The following WDPCP variants were observed in gnomAD, a reference collection of about 807,000 sequenced individuals.
WDPCP encodes the protein WD repeat-containing and planar cell polarity effector protein fritz homolog.
In WDPCP, 71 loss-of-function variants were observed where a neutral mutation model predicts 93.1. The observed-to-expected ratio is 0.76, with a 90% CI of 0.63 to 0.93. The LOEUF (loss-of-function observed/expected upper bound fraction) is 0.93, where lower values mean the gene tolerates loss of function less well. Ranked by LOEUF, WDPCP falls within the 40% of genes least tolerant of loss-of-function variation. WDPCP has a pLI of 0.00. For missense variants in WDPCP, 844 were observed against 887.4 expected (o/e 0.95, Z 0.62); for synonymous variants, 315 against 315.0 (o/e 1.00, Z 0.00).
chr2:63,805,971 T>C (rs1033282952), intron 2 of WDPCP, among the ~76,000 whole-genome samples: 8 of 151,924 alleles, frequency 5.3e-5, no homozygotes, highest in African/African-American at 1.9e-4. Flanking sequence ...ATTACAAAAA[T>C]TAGCCAGGCG....
intron 3 of WDPCP, among the ~76,000 whole-genome samples, chr2:63,641,172 G>C (rs1709976572): frequency 6.6e-6 from 1 of 152,068 alleles, no homozygotes; most frequent in African/African-American, 2.4e-5. Flanking sequence ...TAGCTAAATA[G>C]TACTCCATTG....
intron 13 of WDPCP, among the ~76,000 whole-genome samples, chr2:63,296,252 T>C (rs1575082850): frequency 6.8e-6 from 1 of 148,054 alleles, no homozygotes; most frequent in African/African-American, 2.5e-5. Context: ...CATCCCTTCA[T>C]GATAAAAACC....
At chr2:63,131,227 C>T (rs1162919282) in intron 17 of WDPCP, among the ~76,000 whole-genome samples, 12 of 152,054 alleles carry the variant, frequency 7.9e-5, no homozygotes, top group Admixed American at 7.9e-4. Context: ...GGTTTGTCAC[C>T]TGTTTTCTGT....
At chr2:63,267,153 A>C (rs1419285863) in intron 13 of WDPCP, among the ~76,000 whole-genome samples, 2 of 152,216 alleles carry the variant, frequency 1.3e-5, no homozygotes, top group Non-Finnish European at 2.9e-5. Context: ...GGTACAAGAT[A>C]GAAAGCCCAG....
intron 6 of WDPCP, among the ~76,000 whole-genome samples, chr2:63,454,345 C>T (rs1698481702): frequency 6.6e-6 from 1 of 151,104 alleles, no homozygotes; most frequent in Non-Finnish European, 1.5e-5. Flanking sequence ...CCACACTGAG[C>T]CCTGTTTGGG....
chr2:63,779,775 G>A (rs1168467320), intron 2 of WDPCP, among the ~76,000 whole-genome samples: 2 of 152,192 alleles, frequency 1.3e-5, no homozygotes, highest in African/African-American at 2.4e-5. Flanking sequence ...TTTCTCAGAT[G>A]GGCTGAAAAT....
At chr2:63,645,428 G>A (rs1388957618) in intron 3 of WDPCP, among the ~76,000 whole-genome samples, 3 of 152,056 alleles carry the variant, frequency 2.0e-5, no homozygotes, top group Non-Finnish European at 4.4e-5. Flanking sequence ...CTAACATATG[G>A]TTTACCCTTG....
chr2:63,584,216 C>T (rs984119744), intron 1 of WDPCP, among the ~76,000 whole-genome samples: 1 of 151,938 alleles, frequency 6.6e-6, no homozygotes. Flanking sequence ...AGAAGTAGAT[C>T]ACTAATATTT....
rs1575684649 is a variant in WDPCP, at chr2:63,575,527, A to AGTGTATGCACT, written c.75+12669_75+12670insAGTGCATACAC. Reference sequence around the variant, plus strand: ...TATACACTGTATATATAGTATATACAGTATATACACTGTATATATAGTATA... The same window carrying AGTGTATGCACT: ...TATACACTGTATATATAGTATATACAGTGTATGCACTGTATATACACTGTATATATAGTATA... On this transcript the variant is annotated intron_variant, in intron 1 of 17. Coordinates refer to ENST00000272321, the MANE Select transcript of WDPCP (RefSeq NM_015910.7). 1.2e-4 allele frequency among the ~76,000 whole-genome samples: 16 copies of AGTGTATGCACT among 130,476 alleles called. 5 individuals are homozygous for AGTGTATGCACT. Among genetic ancestry groups the AGTGTATGCACT allele is most frequent in the Admixed American group, 3.0e-4 (4 of 13,290 alleles). The allele number at this position is 130,476 out of a possible 152,430, so 85.6% of individuals were successfully genotyped here. A position where few individuals can be genotyped will look rare whatever the true frequency, so the allele number is the denominator to read the frequency against.
At chr2:63,804,117 G>C (rs1159194430) in intron 2 of WDPCP, among the ~76,000 whole-genome samples, 1 of 152,038 alleles carries the variant, frequency 6.6e-6, no homozygotes, top group Non-Finnish European at 1.5e-5. Flanking sequence ...TTATCAGGCT[G>C]AATTATTCCC....
intron 15 of WDPCP, among the ~76,000 whole-genome samples, chr2:63,157,361 A>G (rs926152083): frequency 1.3e-5 from 2 of 151,300 alleles, no homozygotes. Flanking sequence ...GGACTGCTTG[A>G]TATCTTTTTT....
chr2:63,285,292 G>A (rs1683898424), intron 13 of WDPCP, among the ~76,000 whole-genome samples: 1 of 152,092 alleles, frequency 6.6e-6, no homozygotes, highest in African/African-American at 2.4e-5. Flanking sequence ...AAATTAGCCG[G>A]GTGTGGTGGC....
At chr2:63,782,324 TA>T (rs1280465048) in intron 2 of WDPCP, among the ~76,000 whole-genome samples, 32 of 152,116 alleles carry the variant, frequency 2.1e-4, no homozygotes, top group Admixed American at 1.8e-3. Context: ...GGGATTTAAT[TA>T]AACTAAAAAG....
intron 13 of WDPCP, among the ~76,000 whole-genome samples, chr2:63,285,819 C>A (rs1683955199): frequency 6.6e-6 from 1 of 152,148 alleles, no homozygotes; most frequent in African/African-American, 2.4e-5. Context: ...TTTAAACACT[C>A]CTCTCGAAGT....
rs200221628 is a variant in WDPCP at position 63,673,790 on chromosome 2, T to TA, written n.309-22953dup. 7.4e-3 allele frequency among the ~76,000 whole-genome samples: 1,121 copies of TA among 152,320 alleles called. 8 individuals are homozygous for TA. The highest frequency in any genetic ancestry group is 0.012 in the Non-Finnish European group (789 of 68,022). ...AGTGTCTCAACAAACTTGGTCCCTA[T>TA]AAAAACTTCTTCCCCAAATACAGGC... On this transcript the variant is annotated intron_variant and non_coding_transcript_variant, in intron 2 of 4. Transcript: ENST00000467687.
intron 13 of WDPCP, among the ~76,000 whole-genome samples, chr2:63,281,426 C>T (rs750549395): frequency 1.3e-5 from 2 of 152,154 alleles, no homozygotes; most frequent in South Asian, 2.1e-4. Flanking sequence ...TGTGGAGATT[C>T]TGTGAAGAAC....
At chr2:63,272,905 C>T (rs1223346270) in intron 13 of WDPCP, among the ~76,000 whole-genome samples, 5 of 152,116 alleles carry the variant, frequency 3.3e-5, no homozygotes, top group African/African-American at 4.8e-5. Context: ...AATATCAAAA[C>T]GTTCCTAAAT....
At chr2:63,377,276 A>G (rs1691922421) in intron 12 of WDPCP, among the ~76,000 whole-genome samples, 1 of 151,764 alleles carries the variant, frequency 6.6e-6, no homozygotes, top group African/African-American at 2.4e-5. Context: ...ATATACATCA[A>G]AGCCCTTGAA....
intron 15 of WDPCP, among the ~76,000 whole-genome samples, chr2:63,172,509 C>T (rs938396160): frequency 3.3e-5 from 5 of 152,062 alleles, no homozygotes; most frequent in Admixed American, 2.0e-4. Context: ...TGCCGCCCCC[C>T]ACCCCTCCAA....
Sources: allele counts gnomAD v4.1 joint callset (sites outside exome capture counted in the v4.1 genomes callset), GRCh38; gene constraint gnomAD v4.1.1; transcripts MANE v1.5; gene names NCBI Gene and HGNC (gene_info 2026-07-23, HGNC 2026-07-21).